Variants in ATP6V1C2 observed in about 807,000 individuals in gnomAD.
ATP6V1C2 encodes ATPase H+ transporting V1 subunit C2, also known as V-type proton ATPase subunit C 2.
ATP6V1C2 carries 45 observed loss-of-function variants against 56.8 expected under a neutral mutation model. That is an observed-to-expected ratio of 0.79 (90% CI 0.62 to 1.02). The LOEUF (loss-of-function observed/expected upper bound fraction) is 1.02. Among genes scored for constraint, ATP6V1C2 ranks in the 50% least tolerant of loss-of-function variants. The probability of loss-of-function intolerance (pLI) is 0.00; values close to 1 mark genes in which losing one functional copy is unlikely to be tolerated. For synonymous variants in ATP6V1C2, 220 were observed against 201.3 expected (o/e 1.09, Z -0.79); for missense variants, 463 against 519.7 (o/e 0.89, Z 1.06).
chr2:10,781,905 C>T lies in ATP6V1C2; in HGVS notation c.1062-338C>T, dbSNP rs146783753. On this transcript the variant is annotated intron_variant, in intron 12 of 13. Coordinates refer to ENST00000272238, the MANE Select transcript of ATP6V1C2 (RefSeq NM_001039362.2). ...CTCTCCTTTAGTGGAGAAAAACGGC[C>T]GAGCTGGGTTTTAGACAAACGCCTT... is the stretch of plus-strand genomic sequence containing the variant. Among the ~76,000 whole-genome samples the T allele has an allele frequency of 5.2e-3, 792 of 152,292 alleles. 5 individuals carry two copies. Among genetic ancestry groups the T allele is most frequent in the African/African-American group, 0.011 (453 of 41,556 alleles).
chr2:10,757,885 A>C (rs1050540037), intron 4 of ATP6V1C2, among the ~76,000 whole-genome samples: 4 of 152,226 alleles, frequency 2.6e-5, no homozygotes, highest in Non-Finnish European at 5.9e-5. Context: ...ACATACAAGG[A>C]GCCTCCAGGG....
rs1663371847 is a variant in ATP6V1C2 at position 10,753,999 on chromosome 2, T to A, written c.216T>A (p.Ala72=). The change falls in exon 4 of 14, where the codon GCT becomes GCA. Residue 72 remains alanine, a synonymous_variant. Transcript: ENST00000272238. ...TCCAAAGCCTCATAAGGAGAATGGC[T>A]CAGAGCGTGGTGGAAGTCATGGAGG... The part of the protein sequence containing the change: ...TFAESLIRRM[A]QSVVEVMEDS... 4.4e-6 allele frequency: 7 copies of A among 1,607,050 alleles called. No homozygotes were observed. The highest frequency in any genetic ancestry group is 6.0e-6 in the Non-Finnish European group (7 of 1,176,052).
At chr2:10,754,148 C>A in intron 4 of ATP6V1C2, 82 bp downstream of exon 4, 2 of 1,213,328 alleles carry the variant, frequency 1.6e-6, no homozygotes, top group Non-Finnish European at 2.4e-6. Context: ...GGCCACACAG[C>A]AATCACCGAG....
At chr2:10,745,199 C>G (rs766135428) in intron 3 of ATP6V1C2, among the ~76,000 whole-genome samples, 65 of 149,060 alleles carry the variant, frequency 4.4e-4, no homozygotes, top group Middle Eastern at 7.4e-3. Context: ...CCACACCCAG[C>G]TAATTTTTTT....
At chr2:10,761,527 A>G (rs1012117415) in intron 4 of ATP6V1C2, among the ~76,000 whole-genome samples, 7 of 152,208 alleles carry the variant, frequency 4.6e-5, no homozygotes, top group Non-Finnish European at 1.0e-4. Flanking sequence ...CAAAGCCTGT[A>G]TTAATACCCA....
rs1558412280 is a variant in ATP6V1C2 at position 10,763,262 on chromosome 2, A to T, written c.284-1069A>T. 6.6e-6 allele frequency among the ~76,000 whole-genome samples: 1 copy of T among 151,830 alleles called. No individual in the cohort carries two copies. On this transcript the variant is annotated intron_variant, in intron 4 of 13. Transcript: ENST00000272238. The surrounding 1 kb of genome is among the most constrained non-coding windows in gnomAD (Gnocchi z 4.2). ...GCCCTCCATCACCGGCCACACGGCC[A>T]CCTCCTCTTCCCCTTAGCCTCCACG...
Position 10,771,883 on chromosome 2 carries a change from A to C in ATP6V1C2, c.515A>C (p.Glu172Ala), listed in dbSNP as rs762721339. 1 of 1,614,176 alleles carries C rather than the reference A, an allele frequency of 6.2e-7. No homozygotes were observed. Among genetic ancestry groups the C allele is most frequent in the Non-Finnish European group, 8.5e-7 (1 of 1,180,012 alleles). Residue 172 changes from glutamate to alanine, a missense_variant, in exon 7 of 14, where the codon GAG becomes GCG. By Grantham distance (107) the Glu-to-Ala change is moderately radical. Coordinates refer to ENST00000272238, the MANE Select transcript of ATP6V1C2 (RefSeq NM_001039362.2). Reference protein sequence around the residue: ...TRTLSDIVSKEDFVLDSEYLV... With the variant: ...TRTLSDIVSKADFVLDSEYLV... ...ACACTGAGTGATATTGTGAGCAAAGAGGACTTCGTGCTGGATTCTGAATAT... is the reference window on the plus strand; with the variant it reads ...ACACTGAGTGATATTGTGAGCAAAGCGGACTTCGTGCTGGATTCTGAATAT...
rs1259145419 is a variant in ATP6V1C2, at chr2:10,744,814, G to A, written c.198-9167G>A. ...CTCCCGAGTAGCTGGGACTACAGGCGTGCGCCACCACGCCCAGCTGATTTT... is the reference window on the plus strand; with the variant it reads ...CTCCCGAGTAGCTGGGACTACAGGCATGCGCCACCACGCCCAGCTGATTTT... On this transcript the variant is annotated intron_variant, in intron 3 of 13. Transcript: ENST00000272238. Among the ~76,000 whole-genome samples the A allele has an allele frequency of 5.4e-5, 8 of 148,342 alleles. No homozygotes were observed. The South Asian group carries it at 6.5e-4, about 12-fold the overall frequency.
chr2:10,764,522 G>C, intron 5 of ATP6V1C2, 97 bp downstream of exon 5: 1 of 1,041,884 alleles, frequency 9.6e-7, no homozygotes, highest in Non-Finnish European at 1.5e-6. Context: ...AGCCTGTCCT[G>C]ACTGGGCCTC....
At chr2:10,729,750 G>A (rs1661853611) in intron 3 of ATP6V1C2, among the ~76,000 whole-genome samples, 1 of 152,170 alleles carries the variant, frequency 6.6e-6, no homozygotes, top group African/African-American at 2.4e-5. Flanking sequence ...AGCTACTTGG[G>A]AGGCTGAGGT....
rs769738262 is a variant in ATP6V1C2, at chr2:10,783,619, G to A, written c.*356G>A. On this transcript the variant is annotated 3_prime_UTR_variant, in exon 14 of 14. Coordinates refer to ENST00000272238, the MANE Select transcript of ATP6V1C2 (RefSeq NM_001039362.2). ...AACCAGCTAGATTCCTTAATAATTA[G>A]TCACTAGAGACAGCCCAAAGACAAA... 1 of 178,216 alleles carries A rather than the reference G, an allele frequency of 5.6e-6. No individual in the cohort carries two copies. Among genetic ancestry groups the A allele is most frequent in the African/African-American group, 2.4e-5 (1 of 41,702 alleles). 11.0% of individuals were successfully genotyped at this position (178,216 alleles called of 1,614,324 possible).
intron 3 of ATP6V1C2, among the ~76,000 whole-genome samples, chr2:10,738,843 T>C (rs1662395458): frequency 6.6e-6 from 1 of 152,204 alleles, no homozygotes; most frequent in African/African-American, 2.4e-5. Flanking sequence ...ACCAGCTCCC[T>C]GTCCAGCCCT....
intron 3 of ATP6V1C2, among the ~76,000 whole-genome samples, chr2:10,752,306 C>T (rs974872683): frequency 1.3e-5 from 2 of 152,148 alleles, no homozygotes; most frequent in African/African-American, 2.4e-5. Context: ...CAGGGTGTCC[C>T]GTGTCCCTGC....
chr2:10,778,357 C>T lies in ATP6V1C2; in HGVS notation c.964-215C>T, dbSNP rs577716323. ...GGTCTGTGGTGGCCCCGTGCATGCA[C>T]CGGGTGGCTGGCCCGCTGAGCTTCC... On this transcript the variant is annotated intron_variant, in intron 11 of 13. Transcript: ENST00000272238. The T allele has an allele frequency of 7.0e-6, 4 of 570,162 alleles. No individual in the cohort carries two copies. In the Admixed American group the frequency reaches 9.0e-5, roughly 13 times the overall value. 35.3% of individuals were successfully genotyped at this position (570,162 alleles called of 1,614,324 possible).
chr2:10,767,056 T>C (rs916421731), intron 5 of ATP6V1C2, among the ~76,000 whole-genome samples: 3 of 152,088 alleles, frequency 2.0e-5, no homozygotes, highest in African/African-American at 7.2e-5. Flanking sequence ...AAAAGATGCA[T>C]TTTATTAAGA....
chr2:10,752,860 G>A (rs913994351), intron 3 of ATP6V1C2, among the ~76,000 whole-genome samples: 6 of 152,104 alleles, frequency 3.9e-5, no homozygotes, highest in Non-Finnish European at 5.9e-5. Flanking sequence ...GCTGGGTGTC[G>A]TGGTGGGCCT....
intron 4 of ATP6V1C2, among the ~76,000 whole-genome samples, chr2:10,759,356 C>T (rs1663755237): frequency 6.6e-6 from 1 of 152,232 alleles, no homozygotes; most frequent in African/African-American, 2.4e-5. Flanking sequence ...GGAATGCCCA[C>T]AGAAGACAGA....
At position 10,784,401 on chromosome 2, in the gene ATP6V1C2, A is replaced by G. The variant is rs1665597350; in HGVS notation, c.*1138A>G. ...GGAAGGTCAACATCTCATTTTATGGAAGAGCGACTCTCTGGAGCTACTCCT... is the reference window on the plus strand; with the variant it reads ...GGAAGGTCAACATCTCATTTTATGGGAGAGCGACTCTCTGGAGCTACTCCT... On this transcript the variant is annotated 3_prime_UTR_variant, in exon 14 of 14. Transcript: ENST00000272238. The G allele has an allele frequency of 2.6e-6, 3 of 1,136,352 alleles. No homozygotes were observed. In the African/African-American group the frequency reaches 4.6e-5, roughly 17 times the overall value. The allele number at this position is 1,136,352 out of a possible 1,614,324, so 70.4% of individuals were successfully genotyped here. A position where few individuals can be genotyped will look rare whatever the true frequency, so the allele number is the denominator to read the frequency against.
intron 3 of ATP6V1C2, among the ~76,000 whole-genome samples, chr2:10,745,134 C>G (rs2148443198): frequency 7.1e-6 from 1 of 140,570 alleles, no homozygotes; most frequent in Admixed American, 7.4e-5. Flanking sequence ...AACCTTGCCT[C>G]CCGGGTTCAA....
Sources: allele counts gnomAD v4.1 joint callset (sites outside exome capture counted in the v4.1 genomes callset), GRCh38; gene constraint gnomAD v4.1.1; non-coding constraint Gnocchi (gnomAD v3.1); transcripts MANE v1.5; gene names NCBI Gene and HGNC (gene_info 2026-07-23, HGNC 2026-07-21).